The following SYNE3 variants were observed in gnomAD, a reference collection of about 807,000 sequenced individuals.
SYNE3 encodes the protein spectrin repeat containing nuclear envelope family member 3.
A neutral mutation model predicts 111.2 loss-of-function variants in SYNE3; 100 were observed. The observed-to-expected ratio is 0.90, with a 90% confidence interval of 0.77 to 1.06. The LOEUF (loss-of-function observed/expected upper bound fraction) is 1.06. SYNE3 is among the 50% of genes least tolerant of loss of function. The pLI, the probability that SYNE3 is intolerant of heterozygous loss-of-function variation, is 0.00. For synonymous variants in SYNE3, 547 were observed against 533.9 expected, an observed-to-expected ratio of 1.02 and a Z score of -0.34; for missense variants, 1,160 against 1,240.3, an observed-to-expected ratio of 0.94 and a Z score of 0.97.
In SYNE3 at chr14:95,461,307, C is replaced by T. The variant is rs1315321275; in HGVS notation, c.628-3969G>A. Reference sequence around the variant, plus strand: ...CTGTGAGGGCCGCCACGGGAAGCAGCGGGGGTGAGGATGCTTCCATGTGCC... The same window carrying T: ...CTGTGAGGGCCGCCACGGGAAGCAGTGGGGGTGAGGATGCTTCCATGTGCC... On this transcript the variant is annotated intron_variant, in intron 4 of 17. Transcript: ENST00000682763. Among the ~76,000 whole-genome samples the T allele has an allele frequency of 6.6e-5, 10 of 152,312 alleles. No individual in the cohort carries two copies. In the East Asian group the frequency reaches 1.5e-3, roughly 24 times the overall value.
At chr14:95,418,113 C>A in intron 17 of SYNE3, 87 bp from the exon 18 acceptor site, 1 of 1,400,178 alleles carries the variant, frequency 7.1e-7, no homozygotes, top group Non-Finnish European at 1.0e-6. Flanking sequence ...ATGCCAGGAG[C>A]GGTGGTAGCA....
At chr14:95,487,920 C>CTCT (rs765323906) in intron 1 of SYNE3, among the ~76,000 whole-genome samples, 1 of 149,788 alleles carries the variant, frequency 6.7e-6, no homozygotes, top group African/African-American at 2.5e-5. Context: ...CCTCCTCTTC[C>CTCT]TCCTCCTCCT....
intron 1 of SYNE3, among the ~76,000 whole-genome samples, chr14:95,501,887 A>G (rs1035028745): frequency 3.3e-5 from 5 of 152,188 alleles, no homozygotes; most frequent in Non-Finnish European, 7.3e-5. Context: ...GGTTGGCCCC[A>G]AGCACAAGGA....
intron 1 of SYNE3, among the ~76,000 whole-genome samples, chr14:95,502,825 G>A (rs1394215050): frequency 6.6e-6 from 1 of 152,140 alleles, no homozygotes; most frequent in Non-Finnish European, 1.5e-5. Flanking sequence ...AGAAACCACA[G>A]GACTCAGAAA....
In SYNE3 at chr14:95,408,687, C is replaced by T. The variant is rs766030926; in HGVS notation, c.*9139G>A. The T allele has an allele frequency of 6.2e-5, 14 of 225,356 alleles. No homozygotes were observed. The highest frequency in any genetic ancestry group is 1.4e-4 in the South Asian group (2 of 13,854). 14.0% of individuals were successfully genotyped at this position (225,356 alleles called of 1,614,324 possible). A position where few individuals can be genotyped will look rare whatever the true frequency, so the allele number is the denominator to read the frequency against. ...TACTCACACATGCTATGCTCACATA[C>T]GCGTGCATCCCTCCCACCCTGCCCA... is the stretch of plus-strand genomic sequence containing the variant. On this transcript the variant is annotated 3_prime_UTR_variant, in exon 18 of 18. Coordinates refer to ENST00000682763, the MANE Select transcript of SYNE3 (RefSeq NM_152592.6).
chr14:95,450,923 G>C (rs538575381), intron 7 of SYNE3: 82 of 152,312 alleles, frequency 5.4e-4, no homozygotes, highest in African/African-American at 1.9e-3. Context: ...AATTCATTCA[G>C]ACTGGCCCTC....
In SYNE3 at chr14:95,500,831, G is replaced by A. The variant is rs529279229; in HGVS notation, c.-15+15765C>T. 5.9e-5 allele frequency among the ~76,000 whole-genome samples: 9 copies of A among 152,314 alleles called. No homozygotes were observed. The highest frequency in any genetic ancestry group is 1.9e-4 in the East Asian group (1 of 5,188). On this transcript the variant is annotated intron_variant, in intron 1 of 17. Coordinates refer to ENST00000682763, the MANE Select transcript of SYNE3 (RefSeq NM_152592.6). This position sits in a 1 kb window ranked among gnomAD's most constrained non-coding sequence, Gnocchi z 4.7. ...ACCCACCCAACTGGAAGAAGCAAAC[G>A]GTCAGCACACGAGCCCCATTCTTTG... is the stretch of plus-strand genomic sequence containing the variant.
At position 95,485,945 on chromosome 14, in the gene SYNE3, G is replaced by C. The variant is rs1017255641; in HGVS notation, c.-14-10110C>G. Among the ~76,000 whole-genome samples the C allele has an allele frequency of 1.3e-5, 2 of 152,150 alleles. No individual in the cohort carries two copies. The highest frequency in any genetic ancestry group is 4.8e-5 in the African/African-American group (2 of 41,428). Reference sequence around the variant, plus strand: ...CTGATTTGGGACAAGGGTCAGGGGAGGGACAGAGGTGCAGACAGCAGCCTG... The same window carrying C: ...CTGATTTGGGACAAGGGTCAGGGGACGGACAGAGGTGCAGACAGCAGCCTG... On this transcript the variant is annotated intron_variant, in intron 1 of 17. Coordinates refer to ENST00000682763, the MANE Select transcript of SYNE3 (RefSeq NM_152592.6). This position sits in a 1 kb window ranked among gnomAD's most constrained non-coding sequence, Gnocchi z 4.3.
chr14:95,448,521 T>C (rs1176759287), intron 8 of SYNE3, among the ~76,000 whole-genome samples: 1 of 152,158 alleles, frequency 6.6e-6, no homozygotes, highest in East Asian at 1.9e-4. Context: ...ACCCCGTCTC[T>C]ACTGAAAATA....
chr14:95,513,184 C>G (rs1341097547), intron 1 of SYNE3, among the ~76,000 whole-genome samples: 2 of 152,230 alleles, frequency 1.3e-5, no homozygotes, highest in African/African-American at 4.8e-5. Context: ...CACCTTTCCT[C>G]AGCACGCGTG....
At chr14:95,515,555 G>A (rs1890888906) in intron 1 of SYNE3, among the ~76,000 whole-genome samples, 1 of 152,226 alleles carries the variant, frequency 6.6e-6, no homozygotes, top group African/African-American at 2.4e-5. Flanking sequence ...GAATGGCAGT[G>A]ATTTTATGAC....
rs909041813 is a variant in SYNE3, at chr14:95,500,847, C to T, written c.-15+15749G>A. Among the ~76,000 whole-genome samples, 4 of 152,204 alleles carry T rather than the reference C, an allele frequency of 2.6e-5. No homozygotes were observed. Among genetic ancestry groups the T allele is most frequent in the African/African-American group, 9.7e-5 (4 of 41,448 alleles). ...GAAGCAAACGGTCAGCACACGAGCC[C>T]CATTCTTTGTACTCCCAGTGGGGGA... On this transcript the variant is annotated intron_variant, in intron 1 of 17. Transcript: ENST00000682763. The surrounding 1 kb of genome is among the most constrained non-coding windows in gnomAD (Gnocchi z 4.7).
At chr14:95,464,926 T>C (rs1445344557) in intron 4 of SYNE3, among the ~76,000 whole-genome samples, 2 of 152,222 alleles carry the variant, frequency 1.3e-5, no homozygotes, top group Admixed American at 6.5e-5. Flanking sequence ...ATTGCAAATA[T>C]AAGCTATATC....
At chr14:95,427,443 G>C (rs1375889083) in intron 17 of SYNE3, among the ~76,000 whole-genome samples, 4 of 152,238 alleles carry the variant, frequency 2.6e-5, no homozygotes, top group Admixed American at 2.0e-4. Flanking sequence ...TGCTTCAGTG[G>C]TCACGCTCCT....
chr14:95,508,630 C>T (rs752715551), intron 1 of SYNE3, among the ~76,000 whole-genome samples: 5 of 152,120 alleles, frequency 3.3e-5, no homozygotes, highest in East Asian at 1.9e-4. Context: ...ACGGTGTGGC[C>T]GGGGGAGGCA....
At chr14:95,487,628 A>G (rs1889614561) in intron 1 of SYNE3, among the ~76,000 whole-genome samples, 1 of 152,180 alleles carries the variant, frequency 6.6e-6, no homozygotes, top group African/African-American at 2.4e-5. Flanking sequence ...ATACACCTAT[A>G]AAGCCAACAC....
chr14:95,455,943 C>G, intron 5 of SYNE3: 1 of 516,282 alleles, frequency 1.9e-6, no homozygotes. Flanking sequence ...CTTTTTCAAG[C>G]CATTTGATTA....
chr14:95,463,640 C>T (rs1887982423), intron 4 of SYNE3, among the ~76,000 whole-genome samples: 2 of 152,226 alleles, frequency 1.3e-5, no homozygotes, highest in African/African-American at 4.8e-5. Context: ...GCCACACGGG[C>T]CTTGGCAGGG....
In SYNE3 at chr14:95,500,822, G is replaced by A. The variant is rs1311928649; in HGVS notation, c.-15+15774C>T. On this transcript the variant is annotated intron_variant, in intron 1 of 17. Transcript: ENST00000682763. This position sits in a 1 kb window ranked among gnomAD's most constrained non-coding sequence, Gnocchi z 4.7. The stretch of plus-strand genomic sequence containing the variant: ...TCCAAGGCCACCCACCCAACTGGAA[G>A]AAGCAAACGGTCAGCACACGAGCCC... 1.3e-5 allele frequency among the ~76,000 whole-genome samples: 2 copies of A among 152,220 alleles called. No homozygotes were observed. The highest frequency in any genetic ancestry group is 2.9e-5 in the Non-Finnish European group (2 of 68,042).
Sources: gnomAD v4.1 joint callset for allele counts (sites outside exome capture counted in the v4.1 genomes callset) on GRCh38, gnomAD v4.1.1 for gene constraint, Gnocchi (gnomAD v3.1) non-coding constraint, MANE v1.5 for transcripts, NCBI Gene and HGNC (gene_info 2026-07-23, HGNC 2026-07-21) for gene names.